Variants in ADGRL2 observed in about 807,000 individuals in gnomAD.
ADGRL2 encodes the protein calcium-independent alpha-latrotoxin receptor 2.
ADGRL2 carries 44 observed loss-of-function variants against 157.4 expected under a neutral mutation model. That is an observed-to-expected ratio of 0.28 (90% confidence interval 0.22 to 0.36). The LOEUF (loss-of-function observed/expected upper bound fraction) is 0.36, where lower values mean the gene tolerates loss of function less well. Ranked by LOEUF, ADGRL2 falls within the 10% of genes least tolerant of loss-of-function variation. ADGRL2 has a pLI of 1.00. For synonymous variants in ADGRL2, 585 were observed against 624.7 expected, an observed-to-expected ratio of 0.94 and a Z score of 0.95; for missense variants, 1,510 against 1,768.9, an observed-to-expected ratio of 0.85 and a Z score of 2.63.
chr1:81,804,996 G>C (rs1414895924), intron 1 of ADGRL2, among the ~76,000 whole-genome samples: 3 of 152,074 alleles, frequency 2.0e-5, no homozygotes, highest in African/African-American at 4.8e-5. Context: ...AAGAAGCTTG[G>C]AAAAGTTTTT....
chr1:81,922,945 T>C (rs2095022366), intron 3 of ADGRL2, among the ~76,000 whole-genome samples: 1 of 152,218 alleles, frequency 6.6e-6, no homozygotes, highest in Non-Finnish European at 1.5e-5. Flanking sequence ...TCTATCTATG[T>C]ATCTGTCTGT....
chr1:81,657,711 C>A (rs778716969), intron 3 of ADGRL2, among the ~76,000 whole-genome samples: 7 of 152,010 alleles, frequency 4.6e-5, no homozygotes, highest in Non-Finnish European at 4.4e-5. Context: ...TCTTAAGAAA[C>A]CCTGATGTCA....
At chr1:81,731,720 C>G (rs2149179929) in intron 1 of ADGRL2, among the ~76,000 whole-genome samples, 1 of 152,098 alleles carries the variant, frequency 6.6e-6, no homozygotes, top group Middle Eastern at 3.4e-3. Context: ...GTGTTCAGTA[C>G]CATTTATCAC....
chr1:81,601,733 C>T (rs2148634305), intron 3 of ADGRL2, among the ~76,000 whole-genome samples: 1 of 152,296 alleles, frequency 6.6e-6, no homozygotes, highest in East Asian at 1.9e-4. Flanking sequence ...ACAGATTTTC[C>T]CTCAGATGTT....
chr1:81,387,285 G>A (rs1437151736), intron 1 of ADGRL2, among the ~76,000 whole-genome samples: 2 of 152,068 alleles, frequency 1.3e-5, no homozygotes. Context: ...TCATTTACCA[G>A]TATTTTTCTA....
At chr1:81,459,129 G>A (rs1036265292) in intron 2 of ADGRL2, among the ~76,000 whole-genome samples, 2 of 152,226 alleles carry the variant, frequency 1.3e-5, no homozygotes, top group Non-Finnish European at 2.9e-5. Flanking sequence ...TGGTCTATGG[G>A]TGGTCTTGGA....
At chr1:81,587,712 T>C (rs1364179526) in intron 3 of ADGRL2, among the ~76,000 whole-genome samples, 1 of 152,072 alleles carries the variant, frequency 6.6e-6, no homozygotes, top group African/African-American at 2.4e-5. Context: ...CTTTAAAAAA[T>C]AGCTGGCATC....
chr1:81,391,996 G>A (rs933461173), intron 1 of ADGRL2, among the ~76,000 whole-genome samples: 1 of 152,022 alleles, frequency 6.6e-6, no homozygotes, highest in Non-Finnish European at 1.5e-5. Flanking sequence ...TTACTTATGA[G>A]GAGCATGAAG....
At chr1:81,933,465 A>G (rs2095264314) in intron 3 of ADGRL2, among the ~76,000 whole-genome samples, 1 of 152,212 alleles carries the variant, frequency 6.6e-6, no homozygotes, top group Admixed American at 6.5e-5. Flanking sequence ...CTGAAAATAC[A>G]AACGACTAAA....
In ADGRL2 at chr1:81,763,588, C is replaced by CAA. The variant is rs35775918; in HGVS notation, c.-101+1748_-101+1749dup. Among the ~76,000 whole-genome samples the CAA allele has an allele frequency of 9.1e-3, 1,105 of 122,056 alleles. 12 individuals are homozygous for CAA. Among genetic ancestry groups the CAA allele is most frequent in the African/African-American group, 0.018 (579 of 32,854 alleles). 80.1% of individuals were successfully genotyped at this position (122,056 alleles called of 152,430 possible). A position where few individuals can be genotyped will look rare whatever the true frequency, so the allele number is the denominator to read the frequency against. ...TCGGTGACAGAGCAAGATTCAGTCT[C>CAA]AAAAAAAAAAAAAGGGCCAGGTGTG... is the stretch of plus-strand genomic sequence containing the variant. On this transcript the variant is annotated intron_variant, in intron 2 of 20. Transcript: ENST00000359929.
chr1:81,660,084 G>A (rs1294763555), intron 3 of ADGRL2, among the ~76,000 whole-genome samples: 1 of 152,078 alleles, frequency 6.6e-6, no homozygotes, highest in African/African-American at 2.4e-5. Context: ...CCTTCAAGCA[G>A]AGGTTTCAGT....
chr1:81,542,456 T>C (rs1472364682), intron 2 of ADGRL2, among the ~76,000 whole-genome samples: 1 of 152,216 alleles, frequency 6.6e-6, no homozygotes, highest in Non-Finnish European at 1.5e-5. Context: ...AACATTCTTT[T>C]GCTGTTAGGC....
chr1:81,422,509 T>C (rs1272719029), intron 1 of ADGRL2, among the ~76,000 whole-genome samples: 1 of 152,240 alleles, frequency 6.6e-6, no homozygotes, highest in Non-Finnish European at 1.5e-5. Context: ...CCTCCCAAAG[T>C]GCTGGGATCA....
chr1:81,855,601 A>C (rs559466051), intron 2 of ADGRL2, among the ~76,000 whole-genome samples: 1 of 151,952 alleles, frequency 6.6e-6, no homozygotes, highest in East Asian at 1.9e-4. Flanking sequence ...GGAAGTTATG[A>C]TACATTTTCA....
At chr1:81,832,638 T>C (rs2092026047) in intron 1 of ADGRL2, among the ~76,000 whole-genome samples, 1 of 152,220 alleles carries the variant, frequency 6.6e-6, no homozygotes, top group Admixed American at 6.5e-5. Flanking sequence ...TTGATAGCAG[T>C]GCCTGCAGAA....
chr1:81,504,794 A>G (rs2078934448), intron 2 of ADGRL2, among the ~76,000 whole-genome samples: 1 of 152,182 alleles, frequency 6.6e-6, no homozygotes, highest in South Asian at 2.1e-4. Flanking sequence ...ATCACTCAGC[A>G]TTCCCAGCTC....
chr1:81,479,180 T>G (rs1268523910), intron 2 of ADGRL2, among the ~76,000 whole-genome samples: 1 of 152,160 alleles, frequency 6.6e-6, no homozygotes, highest in South Asian at 2.1e-4. Context: ...TTTAAAAAAT[T>G]TCTTCTTATA....
intron 2 of ADGRL2, among the ~76,000 whole-genome samples, chr1:81,876,133 G>T (rs191522868): frequency 2.0e-3 from 303 of 152,208 alleles, no homozygotes; most frequent in Non-Finnish European, 3.5e-3. Flanking sequence ...AAAGAGTTAA[G>T]TTATAGTGCT....
chr1:81,480,458 T>A lies in ADGRL2; in HGVS notation c.-248+35369T>A, dbSNP rs190785510. Among the ~76,000 whole-genome samples the A allele has an allele frequency of 4.1e-3, 619 of 152,348 alleles. 3 individuals carry two copies. Among genetic ancestry groups the A allele is most frequent in the African/African-American group, 0.014 (587 of 41,586 alleles). ...AACTATATGATGTTTATTTTGACAG[T>A]TCGTCCTGAAGCAGAGTAATATTTC... On this transcript the variant is annotated intron_variant, in intron 2 of 24. Transcript: ENST00000370721.
Sources: allele counts gnomAD v4.1 joint callset (sites outside exome capture counted in the v4.1 genomes callset), GRCh38; gene constraint gnomAD v4.1.1; transcripts MANE v1.5; gene names NCBI Gene and HGNC (gene_info 2026-07-23, HGNC 2026-07-21).